The following GNAL variants were observed in gnomAD, a reference collection of about 807,000 sequenced individuals.
GNAL encodes the protein G protein subunit alpha L.
A neutral mutation model predicts 55.1 loss-of-function variants in GNAL; 18 were observed. That is an observed-to-expected ratio of 0.33 (90% confidence interval 0.23 to 0.48). The LOEUF (loss-of-function observed/expected upper bound fraction) is 0.48. Ranked by LOEUF, GNAL falls within the 20% of genes least tolerant of loss-of-function variation. GNAL has a pLI of 0.99. For missense variants in GNAL, 412 were observed against 614.1 expected (o/e 0.67, Z 3.48); for synonymous variants, 253 against 237.0 (o/e 1.07, Z -0.62).
rs1037990320 is a variant in GNAL at position 11,881,832 on chromosome 18, A to G, written c.*697A>G. 2.0e-5 allele frequency: 3 copies of G among 152,534 alleles called. No individual in the cohort carries two copies. Among genetic ancestry groups the G allele is most frequent in the Admixed American group, 6.5e-5 (1 of 15,286 alleles). 9.4% of individuals were successfully genotyped at this position (152,534 alleles called of 1,614,324 possible). A position where few individuals can be genotyped will look rare whatever the true frequency, so the allele number is the denominator to read the frequency against. On this transcript the variant is annotated 3_prime_UTR_variant, in exon 12 of 12. Coordinates refer to ENST00000334049, the MANE Select transcript of GNAL (RefSeq NM_182978.4). The surrounding 1 kb of genome is among the most constrained non-coding windows in gnomAD (Gnocchi z 4.8). ...TTAGATTCTCTTTGTTGTTGTCCCT[A>G]TTGCTGGTTTATTACACTGTACAGA... is the stretch of plus-strand genomic sequence containing the variant.
At chr18:11,855,427 A>G (rs961707477) in intron 5 of GNAL, among the ~76,000 whole-genome samples, 1 of 152,206 alleles carries the variant, frequency 6.6e-6, no homozygotes, top group Non-Finnish European at 1.5e-5. Flanking sequence ...TTCCGCCTTC[A>G]AGTGCACAAT....
chr18:11,740,789 GTTTAAA>G (rs1409878442), intron 1 of GNAL, among the ~76,000 whole-genome samples: 2 of 152,186 alleles, frequency 1.3e-5, no homozygotes, highest in Non-Finnish European at 2.9e-5. Context: ...CTTACCCATA[GTTTAAA>G]TTCATCAAAT....
intron 1 of GNAL, among the ~76,000 whole-genome samples, chr18:11,741,253 G>T (rs982431010): frequency 2.0e-5 from 3 of 152,162 alleles, no homozygotes; most frequent in Non-Finnish European, 4.4e-5. Context: ...AAGGGTGGAG[G>T]CTTTGGAATC....
chr18:11,848,531 A>G (rs368601854), intron 5 of GNAL, among the ~76,000 whole-genome samples: 2 of 147,676 alleles, frequency 1.4e-5, no homozygotes, highest in South Asian at 2.1e-4. Context: ...ATCTCAGCTC[A>G]CTGCAACCTC....
At chr18:11,727,686 C>T (rs975974284) in intron 1 of GNAL, among the ~76,000 whole-genome samples, 1 of 152,202 alleles carries the variant, frequency 6.6e-6, no homozygotes, top group Non-Finnish European at 1.5e-5. Context: ...AGAATTCTAA[C>T]TCAAACAAGT....
intron 5 of GNAL, among the ~76,000 whole-genome samples, chr18:11,861,007 A>G (rs998921896): frequency 3.9e-5 from 6 of 152,190 alleles, no homozygotes; most frequent in African/African-American, 1.4e-4. Flanking sequence ...ACTGAGGTTC[A>G]CAGGCGCCTG....
intron 1 of GNAL, among the ~76,000 whole-genome samples, chr18:11,695,918 GCATGCACACACA>G (rs1432587055): frequency 2.7e-5 from 4 of 147,582 alleles, no homozygotes; most frequent in African/African-American, 1.0e-4. Context: ...ATGCATGCAC[GCATGCACACACA>G]CACACACACA....
intron 4 of GNAL, among the ~76,000 whole-genome samples, chr18:11,823,675 A>G (rs755530970): frequency 5.3e-5 from 8 of 152,156 alleles, no homozygotes; most frequent in Non-Finnish European, 8.8e-5. Flanking sequence ...TTCTCCAAAG[A>G]ATCTGTGTTG....
At chr18:11,711,150 C>A (rs1469520379) in intron 1 of GNAL, among the ~76,000 whole-genome samples, 3 of 152,218 alleles carry the variant, frequency 2.0e-5, no homozygotes, top group Non-Finnish European at 4.4e-5. Context: ...GCTGGGATTA[C>A]AGGCGTGAGC....
chr18:11,880,448 G>A (rs984081331), intron 11 of GNAL, among the ~76,000 whole-genome samples: 2 of 151,814 alleles, frequency 1.3e-5, no homozygotes, highest in Admixed American at 6.6e-5. Context: ...GGTGATGGAC[G>A]CCTGTAATCT....
chr18:11,734,516 G>T (rs1365649010), intron 1 of GNAL, among the ~76,000 whole-genome samples: 1 of 151,870 alleles, frequency 6.6e-6, no homozygotes, highest in African/African-American at 2.4e-5. Flanking sequence ...GGCTCTGAGG[G>T]CTGGAGCATG....
In GNAL at chr18:11,852,238, G is replaced by T. The variant is rs1032774133; in HGVS notation, c.723-10157G>T. On this transcript the variant is annotated intron_variant, in intron 5 of 11. Coordinates refer to ENST00000334049, the MANE Select transcript of GNAL (RefSeq NM_182978.4). The stretch of plus-strand genomic sequence containing the variant: ...ATGCTGAAATGCCCTTCTACCTTTG[G>T]GTTTACAGCCCCCTCCACATAAATT... The T allele has an allele frequency of 7.7e-6, 9 of 1,165,964 alleles. No homozygotes were observed. In the African/African-American group the frequency reaches 1.4e-4, roughly 18 times the overall value. The allele number at this position is 1,165,964 out of a possible 1,614,324, so 72.2% of individuals were successfully genotyped here. A position where few individuals can be genotyped will look rare whatever the true frequency, so the allele number is the denominator to read the frequency against.
intron 4 of GNAL, among the ~76,000 whole-genome samples, chr18:11,767,820 C>T (rs910601846): frequency 1.3e-5 from 2 of 152,194 alleles, no homozygotes; most frequent in Non-Finnish European, 2.9e-5. Flanking sequence ...CCCTGCCTTG[C>T]CTGCTTTTTT....
At chr18:11,851,955 A>C (rs758158028) in intron 5 of GNAL, 1 of 1,613,950 alleles carries the variant, frequency 6.2e-7, no homozygotes, top group East Asian at 2.2e-5. Context: ...CCCAGAACCA[A>C]GTGGATATGC....
intron 1 of GNAL, among the ~76,000 whole-genome samples, chr18:11,735,096 G>T (rs1598418972): frequency 6.6e-6 from 1 of 151,468 alleles, no homozygotes; most frequent in African/African-American, 2.4e-5. Flanking sequence ...TATCACCCAG[G>T]TTATAGTGCA....
intron 1 of GNAL, among the ~76,000 whole-genome samples, chr18:11,693,741 CT>C (rs576637274): frequency 0.014 from 1,601 of 110,938 alleles, 8 homozygotes; most frequent in Non-Finnish European, 0.021. Flanking sequence ...CCAGCAGTGT[CT>C]TTTTTTTTTT....
chr18:11,693,741 CTTTT>C (rs576637274), intron 1 of GNAL, among the ~76,000 whole-genome samples: 4 of 110,954 alleles, frequency 3.6e-5, no homozygotes, highest in Admixed American at 9.7e-5. Context: ...CCAGCAGTGT[CTTTT>C]TTTTTTTTTT....
chr18:11,823,059 C>T (rs1345620585), intron 4 of GNAL, among the ~76,000 whole-genome samples: 1 of 152,102 alleles, frequency 6.6e-6, no homozygotes, highest in East Asian at 1.9e-4. Flanking sequence ...CCAGAGCTGG[C>T]AACTGGAAGA....
chr18:11,810,374 GAC>G (rs2034780203), intron 4 of GNAL: 1 of 152,366 alleles, frequency 6.6e-6, no homozygotes, highest in Admixed American at 6.5e-5. Context: ...CAGCCTGAGT[GAC>G]AGAGTGAGAT....
Sources: gnomAD v4.1 joint callset for allele counts (sites outside exome capture counted in the v4.1 genomes callset) on GRCh38, gnomAD v4.1.1 for gene constraint, Gnocchi (gnomAD v3.1) non-coding constraint, MANE v1.5 for transcripts, NCBI Gene and HGNC (gene_info 2026-07-23, HGNC 2026-07-21) for gene names.